IQSEC1: variants seen among roughly 807,000 people sequenced by gnomAD.
IQSEC1 encodes IQ motif and SEC7 domain-containing protein 1.
In IQSEC1, 31 loss-of-function variants were observed where a neutral mutation model predicts 91.0. That is an observed-to-expected ratio of 0.34 (90% CI 0.26 to 0.46). The LOEUF is 0.46. Ranked by LOEUF, IQSEC1 falls within the 20% of genes least tolerant of loss-of-function variation. The pLI is 1.00. For missense variants in IQSEC1, 1,388 were observed against 1,575.6 expected, an observed-to-expected ratio of 0.88 and a Z score of 2.02; for synonymous variants, 699 against 662.6, an observed-to-expected ratio of 1.05 and a Z score of -0.84.
At chr3:12,916,928 A>G (rs1696153762) in intron 6 of IQSEC1, among the ~76,000 whole-genome samples, 1 of 152,204 alleles carries the variant, frequency 6.6e-6, no homozygotes, top group African/African-American at 2.4e-5. Context: ...ATTCCTGCAT[A>G]TGTGCACTTG....
intron 1 of IQSEC1, among the ~76,000 whole-genome samples, chr3:13,031,682 G>C (rs1410848313): frequency 2.0e-5 from 3 of 151,850 alleles, no homozygotes; most frequent in Non-Finnish European, 4.4e-5. Flanking sequence ...TTTGCAGACA[G>C]GGGATGCAGG....
At chr3:13,091,674 G>C (rs984913779) in intron 2 of IQSEC1, among the ~76,000 whole-genome samples, 2 of 152,202 alleles carry the variant, frequency 1.3e-5, no homozygotes, top group African/African-American at 4.8e-5. Context: ...CCTTGCCCCC[G>C]CTGACCTGTC....
chr3:13,101,418 C>CAAAAA (rs1706061076), intron 2 of IQSEC1, among the ~76,000 whole-genome samples: 7 of 104,058 alleles, frequency 6.7e-5, no homozygotes, highest in Admixed American at 2.7e-4. Context: ...GATTCCATCT[C>CAAAAA]CAAAAAAAAA....
chr3:13,153,220 C>G (rs1319027910), intron 2 of IQSEC1, among the ~76,000 whole-genome samples: 1 of 152,162 alleles, frequency 6.6e-6, no homozygotes, highest in East Asian at 1.9e-4. Context: ...AGCCCCTGTG[C>G]CCAGCAGCCA....
intron 1 of IQSEC1, among the ~76,000 whole-genome samples, chr3:13,221,773 T>C (rs1407576584): frequency 6.6e-6 from 1 of 152,238 alleles, no homozygotes; most frequent in Non-Finnish European, 1.5e-5. Flanking sequence ...GGCATTGGCA[T>C]CTGCCACAAA....
intron 1 of IQSEC1, among the ~76,000 whole-genome samples, chr3:13,212,383 A>T (rs1694462279): frequency 1.3e-5 from 2 of 152,242 alleles, no homozygotes; most frequent in African/African-American, 4.8e-5. Context: ...GCTGAATAAT[A>T]TTCCACTGTG....
intron 3 of IQSEC1, among the ~76,000 whole-genome samples, chr3:12,926,161 T>C (rs1473615835): frequency 6.6e-6 from 1 of 151,956 alleles, no homozygotes; most frequent in Non-Finnish European, 1.5e-5. Flanking sequence ...AAATCCAAAA[T>C]TGGCTGGGCG....
At chr3:13,085,899 C>T (rs922254150) in intron 2 of IQSEC1, among the ~76,000 whole-genome samples, 1 of 152,240 alleles carries the variant, frequency 6.6e-6, no homozygotes, top group Admixed American at 6.5e-5. Flanking sequence ...ACAGTCCTCA[C>T]CTGCAGGTGG....
chr3:13,153,362 G>A (rs1386000732), intron 2 of IQSEC1, among the ~76,000 whole-genome samples: 1 of 152,206 alleles, frequency 6.6e-6, no homozygotes, highest in African/African-American at 2.4e-5. Context: ...GGGTGTAAGA[G>A]ACAGCCCCTG....
rs536969148 is a variant in IQSEC1, at chr3:13,046,186, C to T, written c.23+26806G>A. ...AGGTGACGTCTGTGGAGTGGGCTAA[C>T]AATAGCCCTGACTCGCTGGGCCATA... On this transcript the variant is annotated intron_variant, in intron 1 of 13. Coordinates refer to ENST00000613206, the MANE Select transcript of IQSEC1 (RefSeq NM_001134382.3). Among the ~76,000 whole-genome samples the T allele has an allele frequency of 3.9e-5, 6 of 152,332 alleles. No homozygotes were observed. The East Asian group carries it at 9.7e-4, about 25-fold the overall frequency.
At chr3:13,114,520 AGT>A (rs1382719987) in intron 2 of IQSEC1, among the ~76,000 whole-genome samples, 1 of 152,194 alleles carries the variant, frequency 6.6e-6, no homozygotes, top group Non-Finnish European at 1.5e-5. Context: ...TGCCAGGTGC[AGT>A]GGCTCATGCC....
chr3:13,201,208 G>A (rs1351314411), intron 1 of IQSEC1, among the ~76,000 whole-genome samples: 2 of 152,214 alleles, frequency 1.3e-5, no homozygotes, highest in Admixed American at 6.5e-5. Context: ...GACGGTGACC[G>A]GAGCTCAGAC....
intron 2 of IQSEC1, among the ~76,000 whole-genome samples, chr3:13,161,858 A>G (rs377749676): frequency 5.9e-5 from 9 of 152,054 alleles, no homozygotes; most frequent in Non-Finnish European, 1.2e-4. Flanking sequence ...CGGAGCTGGG[A>G]CATATGCTCG....
rs73813741 is a variant in IQSEC1, at chr3:12,956,227, A to G, written c.24-14362T>C. ...TGGGCCACCCCTTCTCTTCCTGCCT[A>G]TTGACGGCATCCATGTTTGCCTATG... is the stretch of plus-strand genomic sequence containing the variant. On this transcript the variant is annotated intron_variant, in intron 1 of 13. Coordinates refer to ENST00000613206, the MANE Select transcript of IQSEC1 (RefSeq NM_001134382.3). 2.3e-3 allele frequency among the ~76,000 whole-genome samples: 357 copies of G among 152,294 alleles called. 2 individuals are homozygous for G. Among genetic ancestry groups the G allele is most frequent in the African/African-American group, 8.0e-3 (334 of 41,568 alleles).
intron 1 of IQSEC1, among the ~76,000 whole-genome samples, chr3:13,010,831 T>C (rs1330007326): frequency 2.6e-5 from 4 of 152,298 alleles, no homozygotes; most frequent in African/African-American, 9.6e-5. Context: ...TCCTGAACTC[T>C]GGCCCTCATC....
chr3:13,148,493 T>C lies in IQSEC1; in HGVS notation c.302+15611A>G, dbSNP rs576939242. ...GCCACGTCTAGAATTTCTGAATTCA[T>C]TCTAACACTTAAGAAGTGAAAGGCA... On this transcript the variant is annotated intron_variant, in intron 2 of 15. Transcript: ENST00000648114. 8.5e-5 allele frequency among the ~76,000 whole-genome samples: 13 copies of C among 152,370 alleles called. No individual in the cohort carries two copies. In the South Asian group the frequency reaches 2.7e-3, roughly 32 times the overall value.
intron 2 of IQSEC1, among the ~76,000 whole-genome samples, chr3:13,108,590 G>A (rs182427713): frequency 6.6e-6 from 1 of 152,078 alleles, no homozygotes; most frequent in East Asian, 1.9e-4. Flanking sequence ...TACATTGTGA[G>A]CTAGACTTGG....
At chr3:13,111,520 C>T (rs1446077197) in intron 2 of IQSEC1, among the ~76,000 whole-genome samples, 7 of 152,296 alleles carry the variant, frequency 4.6e-5, no homozygotes, top group African/African-American at 1.7e-4. Flanking sequence ...AGCACCTGAC[C>T]CCTGGGCTAA....
chr3:13,258,107 G>C (rs1184896925), intron 1 of IQSEC1, among the ~76,000 whole-genome samples: 2 of 152,214 alleles, frequency 1.3e-5, no homozygotes, highest in African/African-American at 4.8e-5. Context: ...AGAGGATTTT[G>C]CGGGGGGCGG....
Sources: gnomAD v4.1 joint callset for allele counts (sites outside exome capture counted in the v4.1 genomes callset) on GRCh38, gnomAD v4.1.1 for gene constraint, MANE v1.5 for transcripts, NCBI Gene and HGNC (gene_info 2026-07-23, HGNC 2026-07-21) for gene names.